The following EIPR1 variants were observed in gnomAD, a reference collection of about 807,000 sequenced individuals.
EIPR1 encodes the protein EARP complex and GARP complex interacting protein 1.
Under a neutral mutation model 48.1 loss-of-function variants are expected in EIPR1, and 25 were observed. The ratio of observed to expected loss-of-function variants is 0.52; its 90% CI spans 0.38 to 0.73. The LOEUF (loss-of-function observed/expected upper bound fraction) is 0.73, where lower values mean the gene tolerates loss of function less well. Ranked by LOEUF, EIPR1 falls within the 30% of genes least tolerant of loss-of-function variation. EIPR1 has a pLI of 0.00. For synonymous variants in EIPR1, 204 were observed against 201.9 expected (o/e 1.01, Z -0.09); for missense variants, 415 against 506.2 (o/e 0.82, Z 1.73).
At chr2:3,340,997 T>C (rs1670221796) in intron 2 of EIPR1, among the ~76,000 whole-genome samples, 1 of 144,992 alleles carries the variant, frequency 6.9e-6, no homozygotes, top group Admixed American at 7.4e-5. Context: ...CTTGGGGGAC[T>C]GAGGCAGGAG....
intron 4 of EIPR1, among the ~76,000 whole-genome samples, chr2:3,225,737 C>T (rs1666043905): frequency 6.6e-6 from 1 of 152,142 alleles, no homozygotes; most frequent in Non-Finnish European, 1.5e-5. Flanking sequence ...CATGAGGTGT[C>T]CAGAATGTAT....
At chr2:3,227,114 T>C (rs1666089331) in intron 4 of EIPR1, among the ~76,000 whole-genome samples, 1 of 151,820 alleles carries the variant, frequency 6.6e-6, no homozygotes, top group African/African-American at 2.4e-5. Flanking sequence ...GAAGTGACAT[T>C]AGAACTGGGT....
chr2:3,330,724 T>C (rs1371906023), intron 3 of EIPR1, among the ~76,000 whole-genome samples: 1 of 148,308 alleles, frequency 6.7e-6, no homozygotes, highest in East Asian at 2.0e-4. Context: ...CATGAGACAG[T>C]GTGAGCAGAG....
At chr2:3,192,840 G>A (rs537795604) in intron 7 of EIPR1, among the ~76,000 whole-genome samples, 6 of 148,900 alleles carry the variant, frequency 4.0e-5, no homozygotes, top group Middle Eastern at 3.4e-3. Context: ...GGCTTATCAC[G>A]CAACATTTCA....
Position 3,312,906 on chromosome 2 carries a change from G to C in EIPR1, c.259+25111C>G, listed in dbSNP as rs1572428260. 6.6e-6 allele frequency among the ~76,000 whole-genome samples: 1 copy of C among 152,188 alleles called. No individual in the cohort carries two copies. The highest frequency in any genetic ancestry group is 1.9e-4 in the East Asian group (1 of 5,196). ...TCACCAGATTGAGAAATAAAAACTT[G>C]GCACAGGACTGACTGACACTGAAAA... On this transcript the variant is annotated intron_variant, in intron 3 of 8. Coordinates refer to ENST00000382125, the MANE Select transcript of EIPR1 (RefSeq NM_003310.5). The surrounding 1 kb of genome is among the most constrained non-coding windows in gnomAD (Gnocchi z 5.5).
intron 2 of EIPR1, among the ~76,000 whole-genome samples, chr2:3,343,602 C>T (rs1355810701): frequency 6.6e-6 from 1 of 152,070 alleles, no homozygotes; most frequent in Non-Finnish European, 1.5e-5. Context: ...TTGATTTTAC[C>T]AGTGCTGGGC....
At chr2:3,190,339 T>A (rs1308341834) in intron 8 of EIPR1, among the ~76,000 whole-genome samples, 1 of 152,212 alleles carries the variant, frequency 6.6e-6, no homozygotes, top group African/African-American at 2.4e-5. Context: ...GCTTTTGCAT[T>A]TCTTTGTAGG....
intron 3 of EIPR1, among the ~76,000 whole-genome samples, chr2:3,264,504 G>A (rs1667428159): frequency 6.6e-6 from 1 of 152,220 alleles, no homozygotes; most frequent in South Asian, 2.1e-4. Context: ...GAAGCTCCAA[G>A]CACTGCTAGG....
intron 5 of EIPR1, among the ~76,000 whole-genome samples, chr2:3,201,385 A>G (rs1437591611): frequency 6.6e-6 from 1 of 152,218 alleles, no homozygotes; most frequent in Non-Finnish European, 1.5e-5. Flanking sequence ...TGCGCATAAA[A>G]TCAGAGGCGC....
intron 3 of EIPR1, among the ~76,000 whole-genome samples, chr2:3,272,486 G>A (rs1286428076): frequency 1.3e-5 from 2 of 152,128 alleles, no homozygotes; most frequent in Non-Finnish European, 2.9e-5. Flanking sequence ...GTTATTAATT[G>A]GCCTGACTTC....
chr2:3,266,355 G>T (rs536478964), intron 3 of EIPR1, among the ~76,000 whole-genome samples: 9 of 152,340 alleles, frequency 5.9e-5, no homozygotes, highest in African/African-American at 1.9e-4. Context: ...ACAAATGACA[G>T]CCTCACTGGG....
In EIPR1 at chr2:3,189,452, C is replaced by T; in HGVS notation, c.1046G>A (p.Ser349Asn). Reference protein sequence around the residue: ...VIATYEEHEDSVYAVDWSSAD... With the variant: ...VIATYEEHEDNVYAVDWSSAD... ...CGAGGACCAGTCCACGGCATAGACG[C>T]TGTCCTCGTGCTCCTCGTAGGTGGC... The change falls in exon 9 of 9, where the codon AGC becomes AAC. Residue 349 changes from serine (S) to asparagine (N), a missense_variant. Physicochemically the swap from Ser to Asn is conservative, Grantham distance 46. Coordinates refer to ENST00000382125, the MANE Select transcript of EIPR1 (RefSeq NM_003310.5). This position sits in a 1 kb window ranked among gnomAD's most constrained non-coding sequence, Gnocchi z 4.6. 6.3e-7 allele frequency: 1 copy of T among 1,583,698 alleles called. No individual in the cohort carries two copies. Among genetic ancestry groups the T allele is most frequent in the Non-Finnish European group, 8.6e-7 (1 of 1,161,802 alleles).
intron 3 of EIPR1, among the ~76,000 whole-genome samples, chr2:3,276,393 A>G (rs1038834470): frequency 8.5e-5 from 13 of 152,360 alleles, no homozygotes; most frequent in East Asian, 5.8e-4. Context: ...TTCATGAAAA[A>G]TATTGCTTTT....
At chr2:3,369,793 C>T (rs1671066717) in intron 1 of EIPR1, among the ~76,000 whole-genome samples, 1 of 152,212 alleles carries the variant, frequency 6.6e-6, no homozygotes, top group Non-Finnish European at 1.5e-5. Flanking sequence ...CTGTAGGCTC[C>T]ACCTCTGGGG....
At chr2:3,201,681 C>T (rs1189590138) in intron 5 of EIPR1, among the ~76,000 whole-genome samples, 1 of 152,210 alleles carries the variant, frequency 6.6e-6, no homozygotes, top group Non-Finnish European at 1.5e-5. Context: ...GGAAAATTCA[C>T]GACCCTAAAC....
chr2:3,287,900 C>T (rs1408099336), intron 3 of EIPR1, among the ~76,000 whole-genome samples: 1 of 141,312 alleles, frequency 7.1e-6, no homozygotes, highest in African/African-American at 2.7e-5. Context: ...CATGCTGTAG[C>T]CCCTATGTAC....
intron 3 of EIPR1, among the ~76,000 whole-genome samples, chr2:3,276,298 A>T (rs926614437): frequency 6.6e-6 from 1 of 152,198 alleles, no homozygotes; most frequent in South Asian, 2.1e-4. Context: ...ATTCTGGTGC[A>T]TAAATATTCA....
intron 5 of EIPR1, among the ~76,000 whole-genome samples, chr2:3,200,262 C>T (rs576960608): frequency 2.9e-4 from 44 of 152,252 alleles, no homozygotes; most frequent in South Asian, 1.0e-3. Flanking sequence ...TGTGTGCCCC[C>T]GGCCCAGCTC....
rs56963007 is a variant in EIPR1, at chr2:3,210,627, C to CTTTTTTT, written c.516+3515_516+3521dup. Among the ~76,000 whole-genome samples, 6 of 118,418 alleles carry CTTTTTTT rather than the reference C, an allele frequency of 5.1e-5. 3 individuals carry two copies. The highest frequency in any genetic ancestry group is 3.5e-5 in the Non-Finnish European group (2 of 57,636). The allele number at this position is 118,418 out of a possible 152,430, so 77.7% of individuals were successfully genotyped here. On this transcript the variant is annotated intron_variant, in intron 5 of 8. Transcript: ENST00000382125. The stretch of plus-strand genomic sequence containing the variant: ...TCTTCTCACTGTTTACCTCCCAATT[C>CTTTTTTT]TTTTTTTTTTTTTTTTTTTTTGAGA...
Sources: allele counts gnomAD v4.1 joint callset (sites outside exome capture counted in the v4.1 genomes callset), GRCh38; gene constraint gnomAD v4.1.1; non-coding constraint Gnocchi (gnomAD v3.1); transcripts MANE v1.5; gene names NCBI Gene and HGNC (gene_info 2026-07-23, HGNC 2026-07-21).